FOXJ2: variants seen among roughly 807,000 people sequenced by gnomAD.
The protein encoded by FOXJ2 is forkhead box protein J2.
FOXJ2 carries 18 observed loss-of-function variants against 68.4 expected under a neutral mutation model. The ratio of observed to expected loss-of-function variants is 0.26; its 90% CI spans 0.18 to 0.39. The LOEUF (loss-of-function observed/expected upper bound fraction) is 0.39, where lower values mean the gene tolerates loss of function less well. Among genes scored for constraint, FOXJ2 ranks in the 10% least tolerant of loss-of-function variants. The pLI is 1.00. For missense variants in FOXJ2, 670 were observed against 726.5 expected, an observed-to-expected ratio of 0.92 and a Z score of 0.89; for synonymous variants, 274 against 263.2, an observed-to-expected ratio of 1.04 and a Z score of -0.40.
At chr12:8,051,161 G>A (rs1277878498) in intron 10 of FOXJ2, among the ~76,000 whole-genome samples, 5 of 119,506 alleles carry the variant, frequency 4.2e-5, no homozygotes, top group African/African-American at 1.3e-4. Flanking sequence ...ACAGAGTCTC[G>A]CTCTGTTGCC....
In FOXJ2 at chr12:8,044,685, C is replaced by T. The variant is rs911759006; in HGVS notation, c.619-75C>T. The T allele has an allele frequency of 3.3e-6, 5 of 1,498,374 alleles. No homozygotes were observed. The African/African-American group carries it at 6.9e-5, about 21-fold the overall frequency. The allele number at this position is 1,498,374 out of a possible 1,614,324, so 92.8% of individuals were successfully genotyped here. A position where few individuals can be genotyped will look rare whatever the true frequency, so the allele number is the denominator to read the frequency against. ...AGGATGAAGAGGACAGACAGGAGAG[C>T]CTGGTGACCATTGAAGGGTTTTATT... On this transcript the variant is annotated intron_variant, in intron 5 of 10. Coordinates refer to ENST00000162391, the MANE Select transcript of FOXJ2 (RefSeq NM_018416.3).
At position 8,035,817 on chromosome 12, in the gene FOXJ2, C is replaced by CG. The variant is rs1245454317; in HGVS notation, c.-15+1987dup. Among the ~76,000 whole-genome samples, 1 of 152,126 alleles carries CG rather than the reference C, an allele frequency of 6.6e-6. No homozygotes were observed. Among genetic ancestry groups the CG allele is most frequent in the Non-Finnish European group, 1.5e-5 (1 of 68,032 alleles). On this transcript the variant is annotated intron_variant, in intron 1 of 10. Transcript: ENST00000162391. This position sits in a 1 kb window ranked among gnomAD's most constrained non-coding sequence, Gnocchi z 4.0. Reference sequence around the variant, plus strand: ...GTCTTATGACTACACCTAGTTCCCCCGGGAAGATAAGAGATGATAGTTCCT... The same window carrying CG: ...GTCTTATGACTACACCTAGTTCCCCCGGGGAAGATAAGAGATGATAGTTCCT...
rs764957253 is a variant in FOXJ2 at position 8,038,200 on chromosome 12, G to A, written c.-14-1619G>A. 1.3e-5 allele frequency among the ~76,000 whole-genome samples: 2 copies of A among 152,110 alleles called. No homozygotes were observed. The highest frequency in any genetic ancestry group is 4.8e-5 in the African/African-American group (2 of 41,416). On this transcript the variant is annotated intron_variant, in intron 1 of 10. Transcript: ENST00000162391. This position sits in a 1 kb window ranked among gnomAD's most constrained non-coding sequence, Gnocchi z 5.3. ...ATGCAGATTGCCATCTGCGTGGGTG[G>A]GACCTTGGGGAGAGGGGAGTAAGTC...
rs1274579437 is a variant in FOXJ2 at position 8,033,717 on chromosome 12, C to T, written c.-131C>T. On this transcript the variant is annotated 5_prime_UTR_variant, in exon 1 of 11. Coordinates refer to ENST00000162391, the MANE Select transcript of FOXJ2 (RefSeq NM_018416.3). ...CCAACTTGGGAGGCTCAGCCTCGTC[C>T]AGGAAGAGCCACTGAGGATGAGAGC... 6.5e-6 allele frequency: 1 copy of T among 152,804 alleles called. No individual in the cohort carries two copies. The highest frequency in any genetic ancestry group is 1.9e-4 in the East Asian group (1 of 5,180). The allele number at this position is 152,804 out of a possible 1,614,324, so 9.5% of individuals were successfully genotyped here. A position where few individuals can be genotyped will look rare whatever the true frequency, so the allele number is the denominator to read the frequency against.
Position 8,042,752 on chromosome 12 carries a change from A to T in FOXJ2, c.408+20A>T. ...GGGAAGGTAAGATACTACTGTAAGC[A>T]TTGAAAGGAGGAGTAGGAAGGAGAG... On this transcript the variant is annotated intron_variant, in intron 3 of 10. Transcript: ENST00000162391. 1.2e-6 allele frequency: 2 copies of T among 1,601,480 alleles called. No homozygotes were observed. Among genetic ancestry groups the T allele is most frequent in the South Asian group, 1.1e-5 (1 of 90,770 alleles).
At chr12:8,045,463 G>T (rs757071788) in intron 6 of FOXJ2, among the ~76,000 whole-genome samples, 4 of 151,568 alleles carry the variant, frequency 2.6e-5, no homozygotes, top group Non-Finnish European at 5.9e-5. Flanking sequence ...TGATCTGCCT[G>T]CCTTGGCCAC....
intron 6 of FOXJ2, among the ~76,000 whole-genome samples, chr12:8,045,371 A>G (rs1947023107): frequency 1.3e-5 from 2 of 151,540 alleles, no homozygotes; most frequent in Non-Finnish European, 2.9e-5. Flanking sequence ...GGCGCATGCC[A>G]CACCCAGCTA....
intron 8 of FOXJ2, 43 bp from the exon 9 acceptor site, chr12:8,049,319 C>T: frequency 6.4e-7 from 1 of 1,550,712 alleles, no homozygotes; most frequent in South Asian, 1.2e-5. Context: ...ATAGGGGCTT[C>T]CTACCTCTGC....
In FOXJ2 at chr12:8,051,256, A is replaced by G. The variant is rs76844073; in HGVS notation, c.1636+636A>G. Among the ~76,000 whole-genome samples the G allele has an allele frequency of 5.0e-3, 753 of 151,574 alleles. 7 individuals are homozygous for G. The highest frequency in any genetic ancestry group is 0.018 in the African/African-American group (729 of 41,300). On this transcript the variant is annotated intron_variant, in intron 10 of 10. Transcript: ENST00000162391. ...ATGATTCTCCTGCTTGAGCCTCTCA[A>G]CTAGCTGGGACTACAGACCCACACC...
chr12:8,047,556 G>T (rs1296200818), intron 6 of FOXJ2, among the ~76,000 whole-genome samples: 1 of 151,594 alleles, frequency 6.6e-6, no homozygotes, highest in Admixed American at 6.6e-5. Context: ...ACCAGGGATG[G>T]TTTCCTTTTT....
chr12:8,045,288 G>C (rs975056777), intron 6 of FOXJ2, among the ~76,000 whole-genome samples: 6 of 146,442 alleles, frequency 4.1e-5, no homozygotes, highest in Admixed American at 2.1e-4. Flanking sequence ...GCGCAATCTC[G>C]GCTCACTGCA....
In FOXJ2 at chr12:8,053,978, C is replaced by G. The variant is rs1947156988; in HGVS notation, c.*1128C>G. ...CATGATGGGAATCTCATTCCCACCT[C>G]TCATAGCAGAGCCAAACCTTTAGTG... is the stretch of plus-strand genomic sequence containing the variant. On this transcript the variant is annotated 3_prime_UTR_variant, in exon 11 of 11. Transcript: ENST00000162391. The surrounding 1 kb of genome is among the most constrained non-coding windows in gnomAD (Gnocchi z 4.1). 1.3e-5 allele frequency: 2 copies of G among 152,154 alleles called. No individual in the cohort carries two copies. The highest frequency in any genetic ancestry group is 1.3e-4 in the Admixed American group (2 of 15,278). The allele number at this position is 152,154 out of a possible 1,614,324, so 9.4% of individuals were successfully genotyped here.
chr12:8,041,637 A>G (rs1230403892), intron 2 of FOXJ2, among the ~76,000 whole-genome samples: 1 of 151,852 alleles, frequency 6.6e-6, no homozygotes, highest in Non-Finnish European at 1.5e-5. Flanking sequence ...AAGCCTCCTG[A>G]GTAGCTGGGA....
chr12:8,048,095 G>T lies in FOXJ2; in HGVS notation c.1031G>T (p.Cys344Phe), dbSNP rs756621090. 6.2e-6 allele frequency: 10 copies of T among 1,612,298 alleles called. No individual in the cohort carries two copies. In the South Asian group the frequency reaches 1.1e-4, roughly 18 times the overall value. ...PPLHTPSTDG[C>F]TPPGGKQAGA... ...CTGCACACCCCAAGCACAGATGGTT[G>T]TACCCCACCAGGGGGAAAGCAAGCT... The change falls in exon 7 of 11, where the codon TGT becomes TTT. Residue 344 changes from cysteine to phenylalanine, a missense_variant. Physicochemically the swap from Cys to Phe is radical, Grantham distance 205. This residue lies in a region of FOXJ2 where 555 missense variants were observed against 562.2 expected (regional missense o/e 0.99). Coordinates refer to ENST00000162391, the MANE Select transcript of FOXJ2 (RefSeq NM_018416.3).
Position 8,043,806 on chromosome 12 carries a change from G to T in FOXJ2, c.477+37G>T, listed in dbSNP as rs1428534307. The T allele has an allele frequency of 2.5e-6, 4 of 1,613,492 alleles. No homozygotes were observed. The South Asian group carries it at 4.4e-5, about 18-fold the overall frequency. On this transcript the variant is annotated intron_variant, in intron 4 of 10. Transcript: ENST00000162391. ...GCTCATGAGGAGATGCCATATCTGA[G>T]CCAGCTGCTCCTTCCACCTCCTCTT...
chr12:8,048,558 A>AG, intron 7 of FOXJ2, 139 bp from the exon 8 acceptor site: 1 of 1,118,790 alleles, frequency 8.9e-7, no homozygotes. Context: ...ACTCCCAGGG[A>AG]GGGAGAGTCC....
chr12:8,053,918 C>T lies in FOXJ2; in HGVS notation c.*1068C>T, dbSNP rs1034750427. The T allele has an allele frequency of 1.3e-5, 2 of 152,218 alleles. No homozygotes were observed. Among genetic ancestry groups the T allele is most frequent in the East Asian group, 3.9e-4 (2 of 5,184 alleles). The allele number at this position is 152,218 out of a possible 1,614,324, so 9.4% of individuals were successfully genotyped here. ...GGGATTCTCAAGAAAGAAAAAGTAA[C>T]CCATTATCACTCTGAGTTTCGTCGT... On this transcript the variant is annotated 3_prime_UTR_variant, in exon 11 of 11. Transcript: ENST00000162391. This position sits in a 1 kb window ranked among gnomAD's most constrained non-coding sequence, Gnocchi z 4.1.
At chr12:8,049,689 G>A (rs775280830) in intron 9 of FOXJ2, 118 bp downstream of exon 9, 24 of 874,562 alleles carry the variant, frequency 2.7e-5, no homozygotes, top group Non-Finnish European at 3.9e-5. Flanking sequence ...AAATTGAGCA[G>A]TGGAACTAGT....
At position 8,038,033 on chromosome 12, in the gene FOXJ2, G is replaced by T. The variant is rs1156795219; in HGVS notation, c.-14-1786G>T. On this transcript the variant is annotated intron_variant, in intron 1 of 10. Transcript: ENST00000162391. This position sits in a 1 kb window ranked among gnomAD's most constrained non-coding sequence, Gnocchi z 5.3. ...ATTTATAAACATGCCAGCCCCCCTCGCTCCGCCCCTTTTCTCCTGTCAAAC... is the reference window on the plus strand; with the variant it reads ...ATTTATAAACATGCCAGCCCCCCTCTCTCCGCCCCTTTTCTCCTGTCAAAC... 6.6e-6 allele frequency among the ~76,000 whole-genome samples: 1 copy of T among 152,124 alleles called. No individual in the cohort carries two copies. Among genetic ancestry groups the T allele is most frequent in the Non-Finnish European group, 1.5e-5 (1 of 68,014 alleles).
Sources: gnomAD v4.1 joint callset for allele counts (sites outside exome capture counted in the v4.1 genomes callset) on GRCh38, gnomAD v4.1.1 for gene constraint, gnomAD v4.1.1 regional missense constraint, Gnocchi (gnomAD v3.1) non-coding constraint, MANE v1.5 for transcripts, NCBI Gene and HGNC (gene_info 2026-07-23, HGNC 2026-07-21) for gene names.